XPR1: variants seen among roughly 807,000 people sequenced by gnomAD.
XPR1 encodes the protein xenotropic and polytropic retrovirus receptor 1.
In XPR1, 28 loss-of-function variants were observed where a neutral mutation model predicts 87.5. The ratio of observed to expected loss-of-function variants is 0.32; its 90% CI spans 0.24 to 0.44. XPR1 has a LOEUF of 0.44. XPR1 is among the 20% of genes least tolerant of loss of function. The probability of loss-of-function intolerance (pLI) is 1.00; values close to 1 mark genes in which losing one functional copy is unlikely to be tolerated. For synonymous variants in XPR1, 300 were observed against 306.1 expected, an observed-to-expected ratio of 0.98 and a Z score of 0.21; for missense variants, 559 against 862.3, an observed-to-expected ratio of 0.65 and a Z score of 4.41.
intron 2 of XPR1, among the ~76,000 whole-genome samples, chr1:180,704,278 T>TATATATATATATATATATATATC (rs1192955477): frequency 3.1e-5 from 1 of 31,902 alleles, no homozygotes; most frequent in Non-Finnish European, 7.7e-5. Flanking sequence ...ATATATATAT[T>TATATATATATATATATATATATC]ATCAGATTAT....
chr1:180,683,403 G>A (rs1656652867), intron 2 of XPR1, among the ~76,000 whole-genome samples: 2 of 152,118 alleles, frequency 1.3e-5, no homozygotes, highest in African/African-American at 4.8e-5. Flanking sequence ...CTTTGCTATT[G>A]TGAATAGTGC....
chr1:180,787,411 G>A (rs1467544508), intron 2 of XPR1, among the ~76,000 whole-genome samples: 3 of 151,574 alleles, frequency 2.0e-5, no homozygotes, highest in Admixed American at 2.0e-4. Flanking sequence ...TCCAGAGTAG[G>A]TGGGATTACA....
chr1:180,726,967 T>G (rs1005707092), intron 2 of XPR1, among the ~76,000 whole-genome samples: 9 of 151,834 alleles, frequency 5.9e-5, no homozygotes, highest in Middle Eastern at 3.2e-3. Context: ...CTCCGCCTCC[T>G]GGGTTCACGC....
At chr1:180,843,751 T>TATCTCTAGTCACCTTTGTTTTCTTAA (rs2102180057) in intron 11 of XPR1, among the ~76,000 whole-genome samples, 1 of 152,126 alleles carries the variant, frequency 6.6e-6, no homozygotes, top group Non-Finnish European at 1.5e-5. Flanking sequence ...TTGGTAGTCT[T>TATCTCTAGTCACCTTTGTTTTCTTAA]ATCTCTAGTC....
intron 2 of XPR1, among the ~76,000 whole-genome samples, chr1:180,765,846 C>G (rs886739336): frequency 6.6e-6 from 1 of 151,482 alleles, no homozygotes; most frequent in Non-Finnish European, 1.5e-5. Flanking sequence ...TCCCTTTTTT[C>G]TGAACTTTTT....
intron 11 of XPR1, among the ~76,000 whole-genome samples, chr1:180,848,590 A>G (rs72707408): frequency 0.16 from 24,257 of 151,974 alleles, 2,552 homozygotes; most frequent in Middle Eastern, 0.28. Flanking sequence ...TGATTTTTTT[A>G]TCTTGGCTAT....
chr1:180,789,584 C>A (rs1178779381), intron 3 of XPR1, among the ~76,000 whole-genome samples: 1 of 151,570 alleles, frequency 6.6e-6, no homozygotes, highest in Admixed American at 6.6e-5. Flanking sequence ...TTTTTGTCTT[C>A]TTTTTTCCTT....
chr1:180,691,229 T>C (rs1005922740), intron 2 of XPR1, among the ~76,000 whole-genome samples: 2 of 152,132 alleles, frequency 1.3e-5, no homozygotes, highest in Non-Finnish European at 2.9e-5. Context: ...TTAAACCGTT[T>C]CTTTTTGTGT....
At chr1:180,745,965 T>C (rs985877757) in intron 2 of XPR1, among the ~76,000 whole-genome samples, 1 of 152,240 alleles carries the variant, frequency 6.6e-6, no homozygotes, top group Non-Finnish European at 1.5e-5. Context: ...AACACAAATT[T>C]ATCATCTCAT....
intron 1 of XPR1, among the ~76,000 whole-genome samples, chr1:180,637,149 GT>G (rs1379449761): frequency 6.6e-6 from 1 of 151,246 alleles, no homozygotes; most frequent in African/African-American, 2.4e-5. Flanking sequence ...AATTTTACTA[GT>G]ATTTAATAAA....
At chr1:180,724,320 A>G (rs781010714) in intron 2 of XPR1, among the ~76,000 whole-genome samples, 1 of 152,228 alleles carries the variant, frequency 6.6e-6, no homozygotes, top group South Asian at 2.1e-4. Flanking sequence ...GGCCGATGCT[A>G]TTTATAGCAG....
intron 9 of XPR1, among the ~76,000 whole-genome samples, chr1:180,829,880 CT>C (rs976138651): frequency 6.6e-6 from 1 of 151,666 alleles, no homozygotes; most frequent in African/African-American, 2.4e-5. Context: ...CCCACCATCC[CT>C]TTTTTCCTTA....
chr1:180,662,007 T>C (rs916814921), intron 1 of XPR1, among the ~76,000 whole-genome samples: 1 of 152,192 alleles, frequency 6.6e-6, no homozygotes, highest in African/African-American at 2.4e-5. Flanking sequence ...CTTTTTAACT[T>C]TGTTTCTATT....
intron 3 of XPR1, among the ~76,000 whole-genome samples, chr1:180,793,230 G>A (rs1248742867): frequency 1.3e-5 from 2 of 151,986 alleles, no homozygotes; most frequent in Admixed American, 6.6e-5. Context: ...GTTACTAAGA[G>A]CTATTCTTAT....
intron 2 of XPR1, among the ~76,000 whole-genome samples, chr1:180,787,312 G>GT (rs1260537656): frequency 6.8e-6 from 1 of 147,092 alleles, no homozygotes; most frequent in Non-Finnish European, 1.5e-5. Flanking sequence ...TTTTGTTTTT[G>GT]TTTTTTTGAA....
intron 11 of XPR1, among the ~76,000 whole-genome samples, chr1:180,846,241 TAC>T (rs1651675341): frequency 7.3e-6 from 1 of 137,342 alleles, no homozygotes; most frequent in Non-Finnish European, 1.5e-5. Flanking sequence ...TAGCCTGGGC[TAC>T]AGAGTGAGAC....
chr1:180,838,053 A>G (rs1651366187), intron 11 of XPR1, among the ~76,000 whole-genome samples: 1 of 152,162 alleles, frequency 6.6e-6, no homozygotes, highest in Non-Finnish European at 1.5e-5. Context: ...AAATCCACAG[A>G]TAACTTTTAA....
intron 1 of XPR1, among the ~76,000 whole-genome samples, chr1:180,648,027 A>G (rs1194865290): frequency 1.3e-5 from 2 of 151,896 alleles, no homozygotes; most frequent in Non-Finnish European, 2.9e-5. Context: ...TTAGCATTTG[A>G]AATTTGGTTA....
intron 1 of XPR1, among the ~76,000 whole-genome samples, chr1:180,647,446 C>T (rs988351015): frequency 3.9e-5 from 6 of 152,194 alleles, no homozygotes; most frequent in Admixed American, 3.3e-4. Context: ...TATATGTGGT[C>T]TGTTGTTGAC....
Sources: gnomAD v4.1 joint callset for allele counts (sites outside exome capture counted in the v4.1 genomes callset) on GRCh38, gnomAD v4.1.1 for gene constraint, MANE v1.5 for transcripts, NCBI Gene and HGNC (gene_info 2026-07-23, HGNC 2026-07-21) for gene names.